Variants in RBPJ observed in about 807,000 individuals in gnomAD.
RBPJ encodes the protein recombination signal binding protein for immunoglobulin kappa J region.
RBPJ carries 9 observed loss-of-function variants against 67.8 expected under a neutral mutation model. The ratio of observed to expected loss-of-function variants is 0.13; its 90% CI spans 0.08 to 0.23. The LOEUF is 0.23. Among genes scored for constraint, RBPJ ranks in the 10% least tolerant of loss-of-function variants. The pLI is 1.00. For synonymous variants in RBPJ, 198 were observed against 203.3 expected (o/e 0.97, Z 0.22); for missense variants, 305 against 595.6 (o/e 0.51, Z 5.08).
chr4:26,162,084 G>A (rs1008392643), upstream of RBPJ, among the ~76,000 whole-genome samples: 1 of 152,194 alleles, frequency 6.6e-6, no homozygotes, highest in Non-Finnish European at 1.5e-5. Context: ...GGAGGTGATG[G>A]GGGAAGCTAA....
intron 1 of RBPJ, among the ~76,000 whole-genome samples, chr4:26,205,163 C>G (rs916183490): frequency 6.6e-6 from 1 of 152,192 alleles, no homozygotes; most frequent in Admixed American, 6.5e-5. Context: ...AACAGGCATG[C>G]AGTGACAGCT....
intron 2 of RBPJ, among the ~76,000 whole-genome samples, chr4:26,394,654 T>C (rs1309570473): frequency 2.6e-5 from 4 of 152,308 alleles, no homozygotes; most frequent in African/African-American, 9.6e-5. Context: ...AGGTGCCTGT[T>C]TCTTAGATAA....
chr4:26,204,082 C>A (rs1718082651), intron 1 of RBPJ, among the ~76,000 whole-genome samples: 1 of 152,060 alleles, frequency 6.6e-6, no homozygotes, highest in South Asian at 2.1e-4. Flanking sequence ...GTAGCTGGGA[C>A]CACAGGTGCG....
chr4:26,149,337 C>T, the RBPJ span, among the ~76,000 whole-genome samples: 4 of 152,182 alleles, frequency 2.6e-5, no homozygotes, highest in Admixed American at 6.5e-5. Flanking sequence ...TATTACTGTC[C>T]TGCCTCTGGT....
the RBPJ span, among the ~76,000 whole-genome samples, chr4:26,130,092 C>T: frequency 6.6e-6 from 1 of 152,150 alleles, no homozygotes; most frequent in Non-Finnish European, 1.5e-5. Flanking sequence ...AAACTCCTTT[C>T]CTTAAGTGAT....
chr4:26,219,922 C>T (rs1718845490), intron 1 of RBPJ, among the ~76,000 whole-genome samples: 1 of 149,102 alleles, frequency 6.7e-6, no homozygotes, highest in Non-Finnish European at 1.5e-5. Flanking sequence ...ACCACAGGCA[C>T]CCACCACCAC....
chr4:26,319,783 G>A (rs2109316961), upstream of RBPJ: 3 of 1,275,592 alleles, frequency 2.4e-6, no homozygotes, highest in African/African-American at 2.9e-5. Context: ...TTCGGGCGGC[G>A]AATTCCAGTT....
the RBPJ span, among the ~76,000 whole-genome samples, chr4:26,137,410 T>C: frequency 1.3e-5 from 2 of 152,186 alleles, no homozygotes; most frequent in Non-Finnish European, 2.9e-5. Context: ...ACTTCTTTCT[T>C]GGCTCTAAAC....
At chr4:26,109,696 C>A in the RBPJ span, among the ~76,000 whole-genome samples, 4 of 70,368 alleles carry the variant, frequency 5.7e-5, no homozygotes, top group East Asian at 8.2e-4. Flanking sequence ...AGCCACTGTG[C>A]CTGTCCACCT....
chr4:26,182,770 A>T (rs1717056757), intron 1 of RBPJ, among the ~76,000 whole-genome samples: 1 of 152,062 alleles, frequency 6.6e-6, no homozygotes, highest in Admixed American at 6.6e-5. Flanking sequence ...AAGTACTGCG[A>T]TTACCGGTGT....
chr4:26,199,271 C>A (rs1175311604), intron 1 of RBPJ, among the ~76,000 whole-genome samples: 1 of 152,148 alleles, frequency 6.6e-6, no homozygotes, highest in Non-Finnish European at 1.5e-5. Context: ...TGGTGAAACC[C>A]CATCTCTACT....
intron 1 of RBPJ, 72 bp downstream of exon 1, chr4:26,321,120 G>A (rs935123604): frequency 2.3e-6 from 3 of 1,286,738 alleles, no homozygotes; most frequent in African/African-American, 3.0e-5. Flanking sequence ...GGCGGGCAGC[G>A]GGTTCGGGGG....
rs1313661850 is a variant in RBPJ, at chr4:26,430,327, AAAAC to A, written c.1045-88_1045-85del. On this transcript the variant is annotated intron_variant, in intron 9 of 10. Coordinates refer to ENST00000355476, the MANE Select transcript of RBPJ (RefSeq NM_015874.6). This position sits in a 1 kb window ranked among gnomAD's most constrained non-coding sequence, Gnocchi z 4.1. ...ACATTTTAATTGCCCTTTTTTAAAA[AAAAC>A]AAATGAAAGTTGAATGAGAATCTAA... is the stretch of plus-strand genomic sequence containing the variant. The A allele has an allele frequency of 3.1e-5, 36 of 1,153,654 alleles. No homozygotes were observed. The highest frequency in any genetic ancestry group is 4.2e-5 in the Non-Finnish European group (33 of 785,976). 71.5% of individuals were successfully genotyped at this position (1,153,654 alleles called of 1,614,324 possible). A position where few individuals can be genotyped will look rare whatever the true frequency, so the allele number is the denominator to read the frequency against.
At chr4:26,183,426 A>G (rs550164059) in intron 1 of RBPJ, among the ~76,000 whole-genome samples, 55 of 152,312 alleles carry the variant, frequency 3.6e-4, no homozygotes, top group Middle Eastern at 6.8e-3. Flanking sequence ...GTAACCGTCC[A>G]TTCTTGTTAA....
chr4:26,411,147 A>C (rs1733969851), intron 3 of RBPJ, among the ~76,000 whole-genome samples: 1 of 152,174 alleles, frequency 6.6e-6, no homozygotes. Flanking sequence ...GCAGTGGCTC[A>C]TGCCTGTAAT....
chr4:26,324,386 GATGTGTCGTGTGTGAGT>G (rs1342848405), intron 1 of RBPJ, among the ~76,000 whole-genome samples: 1 of 132,344 alleles, frequency 7.6e-6, no homozygotes, highest in African/African-American at 2.9e-5. Flanking sequence ...ATTACAGGGT[GATGTGTCGTGTGTGAGT>G]GTGTGTGTGT....
intron 1 of RBPJ, among the ~76,000 whole-genome samples, chr4:26,196,302 C>A (rs1393458670): frequency 1.3e-5 from 2 of 152,230 alleles, no homozygotes; most frequent in South Asian, 4.1e-4. Context: ...CCTTGAAAAA[C>A]CTTATACTAA....
the RBPJ span, among the ~76,000 whole-genome samples, chr4:26,151,958 G>T: frequency 1.3e-5 from 2 of 152,180 alleles, no homozygotes; most frequent in Non-Finnish European, 2.9e-5. Context: ...ACTAAATAAG[G>T]CACAATTGGG....
intron 1 of RBPJ, among the ~76,000 whole-genome samples, chr4:26,373,639 TTC>T (rs1239701949): frequency 1.3e-5 from 2 of 152,214 alleles, no homozygotes; most frequent in African/African-American, 2.4e-5. Flanking sequence ...TAGATTCATG[TTC>T]TTTTTCAATT....
Sources: gnomAD v4.1 joint callset for allele counts (sites outside exome capture counted in the v4.1 genomes callset) on GRCh38, gnomAD v4.1.1 for gene constraint, Gnocchi (gnomAD v3.1) non-coding constraint, MANE v1.5 for transcripts, NCBI Gene and HGNC (gene_info 2026-07-23, HGNC 2026-07-21) for gene names.